Variants in SRRM4 observed in about 807,000 individuals in gnomAD.
The protein encoded by SRRM4 is serine/arginine repetitive matrix 4.
SRRM4 carries 33 observed loss-of-function variants against 68.9 expected under a neutral mutation model. The ratio of observed to expected loss-of-function variants is 0.48; its 90% CI spans 0.36 to 0.64. The LOEUF is 0.64. Among genes scored for constraint, SRRM4 ranks in the 30% least tolerant of loss-of-function variants. The probability of loss-of-function intolerance (pLI) is 0.00; values close to 1 mark genes in which losing one functional copy is unlikely to be tolerated. For missense variants in SRRM4, 817 were observed against 827.1 expected (o/e 0.99, Z 0.15); for synonymous variants, 318 against 318.8 (o/e 1.00, Z 0.03).
intron 6 of SRRM4, among the ~76,000 whole-genome samples, 188 bp downstream of exon 6, chr12:119,122,308 A>C (rs80308662): frequency 0.2 from 24,381 of 122,240 alleles, 2,815 homozygotes; most frequent in Non-Finnish European, 0.28. Flanking sequence ...GGAAGGAAGG[A>C]AGGAAGGAAG....
chr12:119,131,520 G>A (rs1456575610), intron 8 of SRRM4, among the ~76,000 whole-genome samples: 1 of 152,186 alleles, frequency 6.6e-6, no homozygotes, highest in East Asian at 1.9e-4. Flanking sequence ...ACCCAGCATT[G>A]AATAGAATTA....
chr12:119,107,603 G>T (rs1044595942), intron 2 of SRRM4, among the ~76,000 whole-genome samples: 1 of 152,152 alleles, frequency 6.6e-6, no homozygotes, highest in Non-Finnish European at 1.5e-5. Context: ...TAGTTTATTT[G>T]TGTAGAGTGT....
intron 7 of SRRM4, among the ~76,000 whole-genome samples, chr12:119,126,005 T>G (rs1954256847): frequency 7.2e-6 from 1 of 139,392 alleles, no homozygotes; most frequent in Non-Finnish European, 1.5e-5. Context: ...GACAACACCA[T>G]ACTAGCTGCT....
At chr12:119,013,901 G>T (rs1289812868) in intron 1 of SRRM4, among the ~76,000 whole-genome samples, 1 of 150,546 alleles carries the variant, frequency 6.6e-6, no homozygotes, top group Admixed American at 6.7e-5. Context: ...CTGTCTCATT[G>T]CCCACCCCAA....
At chr12:119,125,652 T>G (rs1954253954) in intron 7 of SRRM4, among the ~76,000 whole-genome samples, 173 bp downstream of exon 7, 1 of 151,590 alleles carries the variant, frequency 6.6e-6, no homozygotes, top group South Asian at 2.1e-4. Context: ...CTGGGTGCGG[T>G]GGCTCACGCC....
chr12:119,163,041 T>C lies in SRRM4; in HGVS notation c.*6243T>C, dbSNP rs984940788. On this transcript the variant is annotated 3_prime_UTR_variant, in exon 13 of 13. Transcript: ENST00000267260. ...TGTTCTAATTAAAGTTCCCATGGTA[T>C]GGTGTTCTCATATATGGCTCAGTGT... 5.9e-5 allele frequency: 9 copies of C among 152,214 alleles called. No homozygotes were observed. Among genetic ancestry groups the C allele is most frequent in the African/African-American group, 2.2e-4 (9 of 41,440 alleles). 9.4% of individuals were successfully genotyped at this position (152,214 alleles called of 1,614,324 possible).
intron 9 of SRRM4, among the ~76,000 whole-genome samples, chr12:119,145,985 G>A (rs1221135890): frequency 6.6e-6 from 1 of 152,174 alleles, no homozygotes; most frequent in Non-Finnish European, 1.5e-5. Flanking sequence ...TGTCAAATAT[G>A]CCAAGCAGCT....
At chr12:119,149,487 AG>A (rs1475943408) in intron 9 of SRRM4, among the ~76,000 whole-genome samples, 1 of 152,244 alleles carries the variant, frequency 6.6e-6, no homozygotes, top group Non-Finnish European at 1.5e-5. Flanking sequence ...ACAGCCTACA[AG>A]TATAAGACTA....
At chr12:119,125,537 A>C in intron 7 of SRRM4, 58 bp downstream of exon 7, 5 of 1,459,004 alleles carry the variant, frequency 3.4e-6, no homozygotes, top group Non-Finnish European at 4.8e-6. Flanking sequence ...AGGCTAAGAC[A>C]CTGTTAACAC....
intron 1 of SRRM4, among the ~76,000 whole-genome samples, chr12:118,987,477 G>A (rs1366445211): frequency 6.6e-6 from 1 of 152,216 alleles, no homozygotes; most frequent in Non-Finnish European, 1.5e-5. Context: ...AGAGCCACTG[G>A]AGATTGGTAG....
chr12:119,092,858 A>T (rs1041976538), intron 1 of SRRM4, among the ~76,000 whole-genome samples: 2 of 150,472 alleles, frequency 1.3e-5, no homozygotes, highest in African/African-American at 4.9e-5. Flanking sequence ...AAAGCCCACC[A>T]GATTCTTATA....
intron 1 of SRRM4, among the ~76,000 whole-genome samples, chr12:119,007,293 A>C (rs1422283360): frequency 6.6e-6 from 1 of 152,222 alleles, no homozygotes; most frequent in East Asian, 1.9e-4. Flanking sequence ...TTGTATTAAT[A>C]CCAGTTTTAT....
intron 1 of SRRM4, chr12:119,031,284 A>C (rs138031712): frequency 6.6e-6 from 1 of 152,362 alleles, no homozygotes; most frequent in African/African-American, 2.4e-5. Context: ...GGGCTCCTTC[A>C]TAGAACAGCT....
chr12:119,060,992 T>G (rs1355739940), intron 1 of SRRM4, among the ~76,000 whole-genome samples: 2 of 152,282 alleles, frequency 1.3e-5, no homozygotes, highest in South Asian at 4.2e-4. Flanking sequence ...CACTGGAGTG[T>G]TACTTTCTGT....
At chr12:119,103,939 G>A (rs1954092023) in intron 2 of SRRM4, among the ~76,000 whole-genome samples, 1 of 152,160 alleles carries the variant, frequency 6.6e-6, no homozygotes, top group Admixed American at 6.5e-5. Flanking sequence ...GGAGGAGGAG[G>A]TTGCAGTGAG....
chr12:119,099,868 G>A (rs1229273413), intron 1 of SRRM4, among the ~76,000 whole-genome samples: 1 of 152,166 alleles, frequency 6.6e-6, no homozygotes, highest in African/African-American at 2.4e-5. Context: ...CCCAAGAGAG[G>A]AAGGCAGAAG....
chr12:119,046,621 A>G (rs1417183693), intron 1 of SRRM4, among the ~76,000 whole-genome samples: 4 of 152,194 alleles, frequency 2.6e-5, no homozygotes, highest in Admixed American at 6.5e-5. Flanking sequence ...CAGCAAAACC[A>G]GAATCAGAAC....
At chr12:119,126,617 A>ATT (rs1954262822) in intron 7 of SRRM4, among the ~76,000 whole-genome samples, 1 of 152,116 alleles carries the variant, frequency 6.6e-6, no homozygotes, top group South Asian at 2.1e-4. Context: ...CCTAACCTGG[A>ATT]CTCTCTCTAT....
chr12:119,019,393 T>A (rs914640778), intron 1 of SRRM4, among the ~76,000 whole-genome samples: 4 of 152,090 alleles, frequency 2.6e-5, no homozygotes, highest in African/African-American at 9.7e-5. Flanking sequence ...TTTCCTCTAG[T>A]CAACATGGGT....
Sources: allele counts gnomAD v4.1 joint callset (sites outside exome capture counted in the v4.1 genomes callset), GRCh38; gene constraint gnomAD v4.1.1; transcripts MANE v1.5; gene names NCBI Gene and HGNC (gene_info 2026-07-23, HGNC 2026-07-21).